RASGRP3: variants seen among roughly 807,000 people sequenced by gnomAD.
RASGRP3 encodes the protein RAS guanyl releasing protein 3.
Under a neutral mutation model 82.7 loss-of-function variants are expected in RASGRP3, and 54 were observed. The observed-to-expected ratio is 0.65, with a 90% CI of 0.52 to 0.82. RASGRP3 has a LOEUF of 0.82. Among genes scored for constraint, RASGRP3 ranks in the 40% least tolerant of loss-of-function variants. The pLI is 0.00. For synonymous variants in RASGRP3, 309 were observed against 300.5 expected, an observed-to-expected ratio of 1.03 and a Z score of -0.29; for missense variants, 861 against 828.9, an observed-to-expected ratio of 1.04 and a Z score of -0.48.
At chr2:33,464,782 A>G (rs895461303) in intron 2 of RASGRP3, among the ~76,000 whole-genome samples, 7 of 152,126 alleles carry the variant, frequency 4.6e-5, no homozygotes, top group African/African-American at 1.7e-4. Flanking sequence ...GTGATCTGTG[A>G]TCTTTGATGT....
intron 8 of RASGRP3, 22 bp downstream of exon 8, chr2:33,524,074 G>A: frequency 1.2e-6 from 2 of 1,608,580 alleles, no homozygotes; most frequent in Non-Finnish European, 1.7e-6. Context: ...AATCAGACTG[G>A]GTTCTTGAGT....
intron 10 of RASGRP3, chr2:33,531,020 T>C (rs958193536): frequency 7.9e-5 from 12 of 152,188 alleles, no homozygotes; most frequent in African/African-American, 2.9e-4. Flanking sequence ...TACATGCAAA[T>C]AACTGGAAAG....
intron 1 of RASGRP3, among the ~76,000 whole-genome samples, chr2:33,492,452 G>C (rs756790519): frequency 2.0e-5 from 3 of 152,144 alleles, no homozygotes; most frequent in Non-Finnish European, 4.4e-5. Flanking sequence ...GATGTGGACT[G>C]AATTTTGTAC....
chr2:33,498,681 T>G (rs576090302), intron 1 of RASGRP3, among the ~76,000 whole-genome samples: 1 of 152,352 alleles, frequency 6.6e-6, no homozygotes, highest in South Asian at 2.1e-4. Context: ...TTTCTCTGTG[T>G]GCAGCATTCT....
At position 33,527,153 on chromosome 2, in the gene RASGRP3, C is replaced by T. The variant is rs1038864613; in HGVS notation, c.824C>T (p.Thr275Ile). Reference sequence around the variant, plus strand: ...TGTTCCCAGAACTGGAATGAAATGACAGAGTTGGTCTCCTCCAACGGCAAT... The same window carrying T: ...TGTTCCCAGAACTGGAATGAAATGATAGAGTTGGTCTCCTCCAACGGCAAT... Reference protein sequence around the residue: ...SEVTKNWNEMTELVSSNGNYC... With the variant: ...SEVTKNWNEMIELVSSNGNYC... The change falls in exon 10 of 18, where the codon ACA (threonine) becomes ATA (isoleucine). Residue 275 changes from threonine to isoleucine, a missense_variant. Coordinates refer to ENST00000403687, the MANE Select transcript of RASGRP3 (RefSeq NM_001139488.2). The T allele has an allele frequency of 8.7e-6, 14 of 1,613,972 alleles. No individual in the cohort carries two copies. The highest frequency in any genetic ancestry group is 1.1e-5 in the South Asian group (1 of 91,080).
intron 1 of RASGRP3, among the ~76,000 whole-genome samples, chr2:33,493,604 A>C (rs1669048981): frequency 8.4e-6 from 1 of 119,128 alleles, no homozygotes; most frequent in Non-Finnish European, 1.7e-5. Flanking sequence ...TAGAGTTCCC[A>C]GCTCCACCTT....
chr2:33,467,810 T>A (rs373160584), intron 2 of RASGRP3, among the ~76,000 whole-genome samples: 1 of 152,166 alleles, frequency 6.6e-6, no homozygotes, highest in African/African-American at 2.4e-5. Context: ...CAAAGGCCCA[T>A]TGGGACCTCC....
upstream of RASGRP3, among the ~76,000 whole-genome samples, chr2:33,471,727 A>G (rs755104262): frequency 1.3e-5 from 2 of 151,504 alleles, no homozygotes; most frequent in African/African-American, 4.8e-5. Context: ...TAACTTTTAC[A>G]TTTTTCCATG....
At chr2:33,530,377 G>A (rs989426294) in intron 10 of RASGRP3, among the ~76,000 whole-genome samples, 1 of 151,770 alleles carries the variant, frequency 6.6e-6, no homozygotes, top group Non-Finnish European at 1.5e-5. Context: ...TTAACTTTCT[G>A]TAATAGTTAA....
rs1405773090 is a variant in RASGRP3, at chr2:33,539,134, C to T, written c.1202C>T (p.Pro401Leu). 1 of 1,611,718 alleles carries T rather than the reference C, an allele frequency of 6.2e-7. No homozygotes were observed. Among genetic ancestry groups the T allele is most frequent in the Non-Finnish European group, 8.5e-7 (1 of 1,179,030 alleles). Residue 401 changes from proline (P) to leucine (L), a missense_variant, in exon 12 of 18, where the codon CCC becomes CTC. Transcript: ENST00000403687. ...SPTTPNKPVV[P>L]LEWALGVMPK... Reference sequence around the variant, plus strand: ...ACGACGCCCAACAAGCCTGTGGTACCCCTGGAGTGGGCATTAGGGGTGATG... The same window carrying T: ...ACGACGCCCAACAAGCCTGTGGTACTCCTGGAGTGGGCATTAGGGGTGATG...
At chr2:33,528,640 T>C (rs914117856) in intron 10 of RASGRP3, among the ~76,000 whole-genome samples, 1 of 152,214 alleles carries the variant, frequency 6.6e-6, no homozygotes, top group African/African-American at 2.4e-5. Context: ...GTCTGCTGCA[T>C]TGGAATAGGA....
chr2:33,437,827 T>TA (rs371168349), intron 1 of RASGRP3, among the ~76,000 whole-genome samples: 1,799 of 145,986 alleles, frequency 0.012, 30 homozygotes, highest in African/African-American at 0.042. Context: ...CTTAAGTGGT[T>TA]AAAAAAAAAA....
intron 1 of RASGRP3, among the ~76,000 whole-genome samples, chr2:33,444,119 A>G (rs1665379464): frequency 1.3e-5 from 2 of 152,084 alleles, no homozygotes; most frequent in African/African-American, 2.4e-5. Context: ...CCTGGGCAGC[A>G]TGGCAAGACC....
chr2:33,561,118 G>A (rs1176228975), intron 17 of RASGRP3, among the ~76,000 whole-genome samples: 1 of 151,082 alleles, frequency 6.6e-6, no homozygotes, highest in Non-Finnish European at 1.5e-5. Flanking sequence ...CCAGGGTGGA[G>A]TGCAGTGGCA....
chr2:33,523,751 T>G (rs1025045161), intron 7 of RASGRP3, 128 bp from the exon 8 acceptor site: 1 of 1,019,568 alleles, frequency 9.8e-7, no homozygotes, highest in Non-Finnish European at 1.4e-6. Flanking sequence ...AGGATGCCAT[T>G]GTAAATGTGA....
intron 10 of RASGRP3, among the ~76,000 whole-genome samples, chr2:33,528,845 G>A (rs1428199400): frequency 6.6e-6 from 1 of 152,100 alleles, no homozygotes; most frequent in Admixed American, 6.5e-5. Flanking sequence ...CTCTACTGGG[G>A]GCAGGGAACG....
chr2:33,529,026 A>C (rs1045915948), intron 10 of RASGRP3, among the ~76,000 whole-genome samples: 2 of 152,186 alleles, frequency 1.3e-5, no homozygotes, highest in African/African-American at 4.8e-5. Flanking sequence ...GTCTGTGTCC[A>C]AGCTGTCCAC....
chr2:33,557,747 AG>A (rs936448321), intron 15 of RASGRP3, among the ~76,000 whole-genome samples: 3 of 150,212 alleles, frequency 2.0e-5, no homozygotes, highest in African/African-American at 7.3e-5. Flanking sequence ...TGCTGAGTGG[AG>A]GAACACCTCA....
chr2:33,505,704 C>T (rs1371085841), intron 1 of RASGRP3, among the ~76,000 whole-genome samples: 1 of 152,170 alleles, frequency 6.6e-6, no homozygotes, highest in African/African-American at 2.4e-5. Flanking sequence ...GCTCAAGTTT[C>T]CTAGTTCTGG....
Sources: allele counts gnomAD v4.1 joint callset (sites outside exome capture counted in the v4.1 genomes callset), GRCh38; gene constraint gnomAD v4.1.1; transcripts MANE v1.5; gene names NCBI Gene and HGNC (gene_info 2026-07-23, HGNC 2026-07-21).